The following SMYD3 variants were observed in gnomAD, a reference collection of about 807,000 sequenced individuals.
SMYD3 encodes SET and MYND domain containing 3.
SMYD3 carries 36 observed loss-of-function variants against 57.7 expected under a neutral mutation model. That is an observed-to-expected ratio of 0.62 (90% CI 0.48 to 0.82). The LOEUF (loss-of-function observed/expected upper bound fraction) is 0.82, where lower values mean the gene tolerates loss of function less well. Among genes scored for constraint, SMYD3 ranks in the 40% least tolerant of loss-of-function variants. SMYD3 has a pLI of 0.00. For missense variants in SMYD3, 515 were observed against 538.8 expected (o/e 0.96, Z 0.44); for synonymous variants, 211 against 195.0 (o/e 1.08, Z -0.68).
intron 5 of SMYD3, among the ~76,000 whole-genome samples, chr1:246,020,136 G>A (rs1419459279): frequency 2.0e-5 from 3 of 152,318 alleles, no homozygotes; most frequent in South Asian, 2.1e-4. Context: ...TCCTACTGAC[G>A]GATTTGACAT....
intron 5 of SMYD3, among the ~76,000 whole-genome samples, chr1:246,100,361 CGCTGCCTG>C (rs2060987689): frequency 6.6e-6 from 1 of 152,176 alleles, no homozygotes; most frequent in Non-Finnish European, 1.5e-5. Context: ...TGTGACCTGC[CGCTGCCTG>C]GCAGCATGAC....
chr1:246,120,287 CCATATTTTGGGGTAG>C (rs1228178312), intron 5 of SMYD3, among the ~76,000 whole-genome samples: 1 of 152,082 alleles, frequency 6.6e-6, no homozygotes, highest in Non-Finnish European at 1.5e-5. Context: ...TGTTCTAATG[CCATATTTTGGGGTAG>C]CATGTCCGGA....
intron 5 of SMYD3, among the ~76,000 whole-genome samples, chr1:246,234,278 C>G (rs536231293): frequency 6.7e-6 from 1 of 150,320 alleles, no homozygotes; most frequent in East Asian, 2.0e-4. Flanking sequence ...CCTCAATTCA[C>G]ACTGTGATGA....
intron 8 of SMYD3, among the ~76,000 whole-genome samples, chr1:245,878,260 C>A (rs2052596045): frequency 6.6e-6 from 1 of 152,100 alleles, no homozygotes; most frequent in Non-Finnish European, 1.5e-5. Flanking sequence ...AAGAGCTGAG[C>A]TGGAAAAAGA....
intron 5 of SMYD3, among the ~76,000 whole-genome samples, chr1:246,246,569 G>A (rs1046760117): frequency 1.3e-5 from 2 of 151,884 alleles, no homozygotes; most frequent in South Asian, 2.1e-4. Flanking sequence ...CATTTGTTAC[G>A]GTCAAGGAAG....
rs146205779 is a variant in SMYD3, at chr1:245,783,127, T to G, written c.1077-18978A>C. On this transcript the variant is annotated intron_variant, in intron 10 of 11. Coordinates refer to ENST00000490107, the MANE Select transcript of SMYD3 (RefSeq NM_001167740.2). ...ATGCAGGGTAGAGAGTGGAGAGAAG[T>G]GGCAGGAATGGTGTCACATTGAATA... 2.0e-5 allele frequency among the ~76,000 whole-genome samples: 3 copies of G among 152,242 alleles called. No individual in the cohort carries two copies. In the East Asian group the frequency reaches 5.8e-4, roughly 29 times the overall value.
At chr1:246,346,034 C>T (rs564748705) in intron 2 of SMYD3, among the ~76,000 whole-genome samples, 2 of 152,302 alleles carry the variant, frequency 1.3e-5, no homozygotes, top group Non-Finnish European at 2.9e-5. Context: ...CCTGTAATCC[C>T]AGCACTGTGG....
At chr1:246,347,521 T>C (rs558612810) in intron 2 of SMYD3, among the ~76,000 whole-genome samples, 2 of 152,296 alleles carry the variant, frequency 1.3e-5, no homozygotes, top group African/African-American at 4.8e-5. Context: ...TTTCTGAAAA[T>C]CTCAAAACAC....
intron 5 of SMYD3, among the ~76,000 whole-genome samples, chr1:246,008,878 A>G (rs1224028133): frequency 6.6e-6 from 1 of 152,146 alleles, no homozygotes; most frequent in Non-Finnish European, 1.5e-5. Context: ...CCTCTGAGAC[A>G]CCTCAGCACC....
intron 5 of SMYD3, among the ~76,000 whole-genome samples, chr1:246,003,720 CA>C (rs1452590254): frequency 1.3e-5 from 2 of 152,200 alleles, no homozygotes; most frequent in Admixed American, 6.5e-5. Flanking sequence ...AGATCAATGT[CA>C]TGAAGCATTA....
intron 5 of SMYD3, among the ~76,000 whole-genome samples, chr1:246,171,462 A>C (rs893896573): frequency 2.6e-5 from 4 of 152,152 alleles, no homozygotes; most frequent in African/African-American, 7.2e-5. Context: ...TACTGGAGTC[A>C]TGTCTTCTTA....
chr1:246,488,067 G>A (rs2068214461), intron 1 of SMYD3, among the ~76,000 whole-genome samples: 1 of 152,108 alleles, frequency 6.6e-6, no homozygotes. Flanking sequence ...TCTTCCACAA[G>A]TGCCTCATTC....
chr1:246,498,965 T>G lies in SMYD3; in HGVS notation c.164+8089A>C, dbSNP rs185334957. ...ACCATCCCACCCAGATAATTTTTTG[T>G]TTTTTTTTTTAACAAGATGAAGTTT... On this transcript the variant is annotated intron_variant, in intron 1 of 11. Transcript: ENST00000490107. Among the ~76,000 whole-genome samples the G allele has an allele frequency of 3.1e-3, 446 of 142,912 alleles. 1 individual carries two copies. The highest frequency in any genetic ancestry group is 0.011 in the African/African-American group (411 of 38,958). 93.8% of individuals were successfully genotyped at this position (142,912 alleles called of 152,430 possible).
chr1:245,872,200 A>C (rs1312035655), intron 8 of SMYD3, among the ~76,000 whole-genome samples: 1 of 152,222 alleles, frequency 6.6e-6, no homozygotes, highest in Non-Finnish European at 1.5e-5. Flanking sequence ...GTGAAGTAAA[A>C]TTGGCTTTAA....
chr1:245,983,657 T>C (rs1160610385), intron 5 of SMYD3, among the ~76,000 whole-genome samples: 1 of 152,230 alleles, frequency 6.6e-6, no homozygotes, highest in Non-Finnish European at 1.5e-5. Context: ...TCTCCTTTAT[T>C]CTGGCTCTAA....
At chr1:246,204,658 T>C (rs886530805) in intron 5 of SMYD3, among the ~76,000 whole-genome samples, 7 of 152,164 alleles carry the variant, frequency 4.6e-5, no homozygotes, top group Admixed American at 4.6e-4. Context: ...CAGCTTAAAA[T>C]CCCCACTTTT....
intron 8 of SMYD3, among the ~76,000 whole-genome samples, chr1:245,885,510 C>T (rs1461617951): frequency 1.3e-5 from 2 of 152,192 alleles, no homozygotes; most frequent in South Asian, 2.1e-4. Context: ...AAGGGAAAAC[C>T]TTACCGAGGA....
intron 10 of SMYD3, among the ~76,000 whole-genome samples, chr1:245,802,343 G>C (rs1314294636): frequency 2.6e-5 from 4 of 151,968 alleles, no homozygotes; most frequent in Non-Finnish European, 5.9e-5. Flanking sequence ...CTAGTCCTAG[G>C]GCCAGAGAGC....
chr1:245,812,775 AG>A (rs2048551474), intron 10 of SMYD3, among the ~76,000 whole-genome samples: 2 of 151,766 alleles, frequency 1.3e-5, no homozygotes, highest in African/African-American at 4.8e-5. Context: ...CTGAGAAGAA[AG>A]GGGTCACTCA....
Sources: allele counts gnomAD v4.1 joint callset (sites outside exome capture counted in the v4.1 genomes callset), GRCh38; gene constraint gnomAD v4.1.1; transcripts MANE v1.5; gene names NCBI Gene and HGNC (gene_info 2026-07-23, HGNC 2026-07-21).